The following MSRA variants were observed in gnomAD, a reference collection of about 807,000 sequenced individuals.
MSRA encodes the protein mitochondrial peptide methionine sulfoxide reductase.
Under a neutral mutation model 31.3 loss-of-function variants are expected in MSRA, and 54 were observed. The ratio of observed to expected loss-of-function variants is 1.73; its 90% CI spans 1.39 to 2.17. The LOEUF (loss-of-function observed/expected upper bound fraction) is 2.17. Among genes scored for constraint, MSRA ranks in the 30% most tolerant of loss-of-function variants. MSRA has a pLI of 0.00. For missense variants in MSRA, 507 were observed against 300.9 expected (o/e 1.69, Z -5.07); for synonymous variants, 169 against 116.5 (o/e 1.45, Z -2.90).
intron 5 of MSRA, among the ~76,000 whole-genome samples, chr8:10,345,015 G>A (rs930104645): frequency 6.6e-6 from 1 of 152,160 alleles, no homozygotes; most frequent in Non-Finnish European, 1.5e-5. Flanking sequence ...GCAGGGCTCA[G>A]TTGGGAAGAT....
chr8:10,288,230 C>G (rs1383666369), intron 3 of MSRA, among the ~76,000 whole-genome samples: 1 of 152,170 alleles, frequency 6.6e-6, no homozygotes, highest in African/African-American at 2.4e-5. Flanking sequence ...TCTCTCTTGT[C>G]TCCCCCAGTC....
intron 4 of MSRA, among the ~76,000 whole-genome samples, chr8:10,317,908 C>T (rs1342285766): frequency 1.3e-5 from 2 of 152,130 alleles, no homozygotes; most frequent in African/African-American, 4.8e-5. Flanking sequence ...CATCTCTGGT[C>T]CCCACCGTGA....
At chr8:10,108,405 C>T (rs1268201560) in intron 1 of MSRA, among the ~76,000 whole-genome samples, 3 of 152,216 alleles carry the variant, frequency 2.0e-5, no homozygotes, top group African/African-American at 7.2e-5. Context: ...CACTGACTTG[C>T]ACCTAGAAGG....
chr8:10,109,106 G>C (rs1159948726), intron 1 of MSRA, among the ~76,000 whole-genome samples: 1 of 151,970 alleles, frequency 6.6e-6, no homozygotes, highest in Non-Finnish European at 1.5e-5. Context: ...TCTTCCTCTT[G>C]GCATTAAAAT....
At chr8:10,225,019 T>G (rs1224280309) in intron 2 of MSRA, among the ~76,000 whole-genome samples, 3 of 152,094 alleles carry the variant, frequency 2.0e-5, no homozygotes, top group Admixed American at 1.3e-4. Context: ...ATGCCTGTAA[T>G]CCCAGCTACT....
chr8:10,247,400 C>T (rs986923943), intron 3 of MSRA, among the ~76,000 whole-genome samples: 3 of 152,156 alleles, frequency 2.0e-5, no homozygotes, highest in Admixed American at 6.5e-5. Flanking sequence ...TCCATTCATC[C>T]CTTTGCACTT....
At chr8:10,396,491 T>G (rs1807105880) in intron 5 of MSRA, among the ~76,000 whole-genome samples, 1 of 152,220 alleles carries the variant, frequency 6.6e-6, no homozygotes, top group Admixed American at 6.5e-5. Flanking sequence ...TTTTGAAGAT[T>G]CTGCACTGAG....
rs182198215 is a variant in MSRA at position 10,373,304 on chromosome 8, G to T, written c.543+53315G>T. ...AGTCAACCAAGGACTGAAAGATTAG[G>T]TAAATTGTCCACAGTAGCTCAGAGA... On this transcript the variant is annotated intron_variant, in intron 5 of 5. Coordinates refer to ENST00000317173, the MANE Select transcript of MSRA (RefSeq NM_012331.5). 2.6e-5 allele frequency among the ~76,000 whole-genome samples: 4 copies of T among 152,372 alleles called. No homozygotes were observed. In the East Asian group the frequency reaches 7.7e-4, roughly 29 times the overall value.
chr8:10,234,681 G>A (rs1048893776), intron 2 of MSRA, among the ~76,000 whole-genome samples: 10 of 151,980 alleles, frequency 6.6e-5, no homozygotes, highest in African/African-American at 1.9e-4. Flanking sequence ...CCTGTTATAT[G>A]CTGCTTACAA....
chr8:10,233,654 T>C (rs949056711), intron 2 of MSRA, among the ~76,000 whole-genome samples: 7 of 152,234 alleles, frequency 4.6e-5, no homozygotes, highest in African/African-American at 1.7e-4. Flanking sequence ...AAGAAGAATG[T>C]ATCTATCAAT....
chr8:10,231,274 G>A (rs1334758713), intron 2 of MSRA, among the ~76,000 whole-genome samples: 2 of 152,260 alleles, frequency 1.3e-5, no homozygotes, highest in East Asian at 3.9e-4. Context: ...GGAAAAGAAA[G>A]TACATAAAAT....
intron 3 of MSRA, among the ~76,000 whole-genome samples, chr8:10,273,088 G>T (rs1799131324): frequency 6.6e-6 from 1 of 152,152 alleles, no homozygotes; most frequent in East Asian, 1.9e-4. Context: ...GAAAACAAAA[G>T]CTATTCACAT....
intron 2 of MSRA, among the ~76,000 whole-genome samples, chr8:10,234,066 G>A (rs1332274993): frequency 6.6e-6 from 1 of 152,026 alleles, no homozygotes; most frequent in Admixed American, 6.6e-5. Flanking sequence ...ACTTACATTC[G>A]ATAGTATAGA....
intron 2 of MSRA, among the ~76,000 whole-genome samples, chr8:10,222,818 T>A (rs953466711): frequency 2.0e-5 from 3 of 152,182 alleles, no homozygotes; most frequent in Non-Finnish European, 4.4e-5. Flanking sequence ...AGTACAATGA[T>A]GGTTACCAGG....
intron 5 of MSRA, among the ~76,000 whole-genome samples, chr8:10,398,577 C>A (rs960573049): frequency 1.3e-5 from 2 of 152,150 alleles, no homozygotes; most frequent in Non-Finnish European, 2.9e-5. Context: ...TGGCAGGTGC[C>A]CCACGCTCTG....
At chr8:10,154,585 G>A (rs909530124) in intron 1 of MSRA, among the ~76,000 whole-genome samples, 1 of 152,048 alleles carries the variant, frequency 6.6e-6, no homozygotes, top group African/African-American at 2.4e-5. Context: ...CACCGTGTTA[G>A]TCAGGATGGT....
At chr8:10,427,002 A>G (rs1809214262) in intron 5 of MSRA, among the ~76,000 whole-genome samples, 1 of 34,048 alleles carries the variant, frequency 2.9e-5, no homozygotes, top group South Asian at 9.1e-4. Flanking sequence ...AGACGGCGAA[A>G]CAGAGATGCA....
chr8:10,248,577 G>A (rs1257059569), intron 3 of MSRA, among the ~76,000 whole-genome samples: 1 of 152,242 alleles, frequency 6.6e-6, no homozygotes, highest in East Asian at 1.9e-4. Flanking sequence ...GCGAGAGAGT[G>A]TGGATGTGAG....
chr8:10,351,385 C>T (rs994603867), intron 5 of MSRA, among the ~76,000 whole-genome samples: 1 of 150,934 alleles, frequency 6.6e-6, no homozygotes, highest in Non-Finnish European at 1.5e-5. Flanking sequence ...TCCCAGGCAT[C>T]TGGGACCACA....
Sources: gnomAD v4.1 joint callset for allele counts (sites outside exome capture counted in the v4.1 genomes callset) on GRCh38, gnomAD v4.1.1 for gene constraint, MANE v1.5 for transcripts, NCBI Gene and HGNC (gene_info 2026-07-23, HGNC 2026-07-21) for gene names.